Variants in SV2B observed in about 807,000 individuals in gnomAD.
SV2B encodes synaptic vesicle glycoprotein 2B, also known as solute carrier family 22 member B2.
Under a neutral mutation model 73.9 loss-of-function variants are expected in SV2B, and 41 were observed. That is an observed-to-expected ratio of 0.56 (90% CI 0.43 to 0.72). The LOEUF is 0.72. Ranked by LOEUF, SV2B falls within the 30% of genes least tolerant of loss-of-function variation. The pLI, the probability that SV2B is intolerant of heterozygous loss-of-function variation, is 0.00. For synonymous variants in SV2B, 314 were observed against 314.2 expected, an observed-to-expected ratio of 1.00 and a Z score of 0.01; for missense variants, 764 against 857.8, an observed-to-expected ratio of 0.89 and a Z score of 1.37.
chr15:91,154,845 G>A (rs939342165), intron 1 of SV2B, among the ~76,000 whole-genome samples: 1 of 152,140 alleles, frequency 6.6e-6, no homozygotes, highest in African/African-American at 2.4e-5. Context: ...CCAGAAATGT[G>A]AGAGAGGAAA....
At chr15:91,213,694 C>G (rs2045937553) in intron 1 of SV2B, among the ~76,000 whole-genome samples, 1 of 152,090 alleles carries the variant, frequency 6.6e-6, no homozygotes, top group Non-Finnish European at 1.5e-5. Flanking sequence ...GTCATTTTTA[C>G]TAACTGACTG....
chr15:91,162,412 A>G (rs1021431373), intron 1 of SV2B, among the ~76,000 whole-genome samples: 5 of 152,266 alleles, frequency 3.3e-5, no homozygotes, highest in African/African-American at 1.2e-4. Context: ...ATGTAATATT[A>G]TGCAAAAGAA....
At chr15:91,246,949 C>G (rs1596678856) in intron 2 of SV2B, among the ~76,000 whole-genome samples, 2 of 152,194 alleles carry the variant, frequency 1.3e-5, no homozygotes, top group African/African-American at 4.8e-5. Context: ...CTCCACTGCA[C>G]TCTAATTTTC....
At position 91,184,516 on chromosome 15, in the gene SV2B, A is replaced by G. The variant is rs147626052; in HGVS notation, c.-391-41357A>G. On this transcript the variant is annotated intron_variant, in intron 1 of 12. Coordinates refer to ENST00000394232, the MANE Select transcript of SV2B (RefSeq NM_001323032.3). ...TGCGCTCTAAAATATCCCCTCTTTA[A>G]AGAATCTTCCCCAAGGCCCTGCCAT... Among the ~76,000 whole-genome samples the G allele has an allele frequency of 3.3e-5, 5 of 152,254 alleles. No homozygotes were observed. In the East Asian group the frequency reaches 9.7e-4, roughly 29 times the overall value.
At chr15:91,279,523 C>G (rs1049995396) in intron 9 of SV2B, among the ~76,000 whole-genome samples, 3 of 152,310 alleles carry the variant, frequency 2.0e-5, no homozygotes, top group African/African-American at 7.2e-5. Flanking sequence ...GGCTGGAGAT[C>G]GGAGGAGATG....
chr15:91,153,971 C>T (rs970590569), intron 1 of SV2B, among the ~76,000 whole-genome samples: 7 of 152,002 alleles, frequency 4.6e-5, no homozygotes, highest in Non-Finnish European at 8.8e-5. Flanking sequence ...CACAGCTTCT[C>T]TAATCCTAGC....
chr15:91,190,563 C>A (rs1175240850), intron 1 of SV2B, among the ~76,000 whole-genome samples: 1 of 152,114 alleles, frequency 6.6e-6, no homozygotes, highest in Admixed American at 6.5e-5. Flanking sequence ...TCATTCTGTT[C>A]TAAGTATCTT....
intron 1 of SV2B, among the ~76,000 whole-genome samples, chr15:91,219,427 A>G (rs1274363986): frequency 3.9e-5 from 6 of 152,142 alleles, no homozygotes; most frequent in East Asian, 1.9e-4. Flanking sequence ...TGCTTGCCAA[A>G]TGGGTTTTTA....
At chr15:91,221,607 G>A (rs1178973934) in intron 1 of SV2B, among the ~76,000 whole-genome samples, 1 of 151,674 alleles carries the variant, frequency 6.6e-6, no homozygotes, top group African/African-American at 2.4e-5. Flanking sequence ...TCCTGTGGGA[G>A]TCCCCTTGTG....
At chr15:91,212,934 A>T (rs2045915125) in intron 1 of SV2B, among the ~76,000 whole-genome samples, 1 of 151,312 alleles carries the variant, frequency 6.6e-6, no homozygotes, top group Non-Finnish European at 1.5e-5. Context: ...TGAGGCCAGG[A>T]GTTTGAGACC....
chr15:91,265,943 C>A lies in SV2B; in HGVS notation c.1009-639C>A, dbSNP rs2048084307. On this transcript the variant is annotated intron_variant, in intron 6 of 12. Coordinates refer to ENST00000394232, the MANE Select transcript of SV2B (RefSeq NM_001323032.3). This position sits in a 1 kb window ranked among gnomAD's most constrained non-coding sequence, Gnocchi z 4.2. ...GGATCACGAGGCCAGGAGATGGAGACCATCCTGGCCAACATGGTGAAACCC... is the reference window on the plus strand; with the variant it reads ...GGATCACGAGGCCAGGAGATGGAGAACATCCTGGCCAACATGGTGAAACCC... Among the ~76,000 whole-genome samples, 1 of 152,188 alleles carries A rather than the reference C, an allele frequency of 6.6e-6. No homozygotes were observed. The highest frequency in any genetic ancestry group is 1.5e-5 in the Non-Finnish European group (1 of 68,042).
chr15:91,196,854 A>G (rs1049619597), intron 1 of SV2B, among the ~76,000 whole-genome samples: 1 of 152,178 alleles, frequency 6.6e-6, no homozygotes, highest in Non-Finnish European at 1.5e-5. Context: ...GTGAGCCTAA[A>G]GGGGAGGGCT....
rs2049134205 is a variant in SV2B, at chr15:91,293,990, A to T, written c.*1438A>T. On this transcript the variant is annotated 3_prime_UTR_variant, in exon 13 of 13. Transcript: ENST00000394232. ...GTCTTGACTGCATGGAAGAGGAAAA[A>T]CATCAGAACTGTCTGACAATGGAGG... is the stretch of plus-strand genomic sequence containing the variant. 1 of 152,218 alleles carries T rather than the reference A, an allele frequency of 6.6e-6. No homozygotes were observed. The highest frequency in any genetic ancestry group is 2.4e-5 in the African/African-American group (1 of 41,448). The allele number at this position is 152,218 out of a possible 1,614,324, so 9.4% of individuals were successfully genotyped here. A position where few individuals can be genotyped will look rare whatever the true frequency, so the allele number is the denominator to read the frequency against.
At chr15:91,275,417 C>T (rs1298620471) in intron 9 of SV2B, among the ~76,000 whole-genome samples, 1 of 152,154 alleles carries the variant, frequency 6.6e-6, no homozygotes, top group Non-Finnish European at 1.5e-5. Flanking sequence ...TTCTTCTCTC[C>T]TGTTTTATGT....
intron 1 of SV2B, among the ~76,000 whole-genome samples, chr15:91,205,281 C>T (rs971506123): frequency 2.0e-5 from 3 of 151,950 alleles, no homozygotes; most frequent in African/African-American, 7.3e-5. Context: ...AGAGCTACAC[C>T]AAAGAATGGT....
rs764208696 is a variant in SV2B at position 91,101,306 on chromosome 15, G to A, written c.-392+943G>A. 4.6e-5 allele frequency among the ~76,000 whole-genome samples: 7 copies of A among 152,202 alleles called. No individual in the cohort carries two copies. In the East Asian group the frequency reaches 1.4e-3, roughly 29 times the overall value. On this transcript the variant is annotated intron_variant, in intron 1 of 12. Transcript: ENST00000394232. The stretch of plus-strand genomic sequence containing the variant: ...CGGCTCAGCGGTGGTTCTGGTCTAT[G>A]CTGGTCTCCTCTGTGTTTCTGCTTC...
chr15:91,155,136 C>T (rs539482209), intron 1 of SV2B, among the ~76,000 whole-genome samples: 1 of 152,258 alleles, frequency 6.6e-6, no homozygotes, highest in African/African-American at 2.4e-5. Flanking sequence ...CCAGCTCCAC[C>T]TTTCACTATC....
At chr15:91,126,021 A>G (rs780102703) in intron 1 of SV2B, among the ~76,000 whole-genome samples, 5 of 152,058 alleles carry the variant, frequency 3.3e-5, no homozygotes, top group Non-Finnish European at 7.4e-5. Context: ...GGATTACTTA[A>G]TAGTCACAAA....
intron 1 of SV2B, among the ~76,000 whole-genome samples, chr15:91,186,450 T>C (rs1445443170): frequency 6.6e-6 from 1 of 152,232 alleles, no homozygotes; most frequent in Non-Finnish European, 1.5e-5. Context: ...CACAATTTAC[T>C]AGCTGTGTGT....
Sources: allele counts gnomAD v4.1 joint callset (sites outside exome capture counted in the v4.1 genomes callset), GRCh38; gene constraint gnomAD v4.1.1; non-coding constraint Gnocchi (gnomAD v3.1); transcripts MANE v1.5; gene names NCBI Gene and HGNC (gene_info 2026-07-23, HGNC 2026-07-21).